The following HOMER1 variants were observed in gnomAD, a reference collection of about 807,000 sequenced individuals.
The protein encoded by HOMER1 is homer scaffold protein 1, also known as homer protein homolog 1.
HOMER1 carries 3 observed loss-of-function variants against 48.9 expected under a neutral mutation model. The observed-to-expected ratio is 0.06, with a 90% CI of 0.03 to 0.16. HOMER1 has a LOEUF of 0.16. Ranked by LOEUF, HOMER1 falls within the 10% of genes least tolerant of loss-of-function variation. The pLI is 1.00. For synonymous variants in HOMER1, 134 were observed against 146.4 expected (o/e 0.92, Z 0.61); for missense variants, 247 against 411.4 (o/e 0.60, Z 3.46).
Position 79,373,213 on chromosome 5 carries a change from A to G in HOMER1, c.*2796T>C, listed in dbSNP as rs1462325927. 2.0e-5 allele frequency: 3 copies of G among 152,140 alleles called. No individual in the cohort carries two copies. Among genetic ancestry groups the G allele is most frequent in the Non-Finnish European group, 4.4e-5 (3 of 67,968 alleles). 9.4% of individuals were successfully genotyped at this position (152,140 alleles called of 1,614,324 possible). A position where few individuals can be genotyped will look rare whatever the true frequency, so the allele number is the denominator to read the frequency against. On this transcript the variant is annotated 3_prime_UTR_variant, in exon 9 of 9. Transcript: ENST00000334082. Reference sequence around the variant, plus strand: ...GCTGTCATCATTTAAATGCTTTTAAATATCTGTAAAAGACTGGAGGAAAAA... The same window carrying G: ...GCTGTCATCATTTAAATGCTTTTAAGTATCTGTAAAAGACTGGAGGAAAAA...
intron 1 of HOMER1, among the ~76,000 whole-genome samples, chr5:79,502,208 T>C (rs1235301075): frequency 1.3e-5 from 2 of 151,882 alleles, no homozygotes; most frequent in Admixed American, 1.3e-4. Flanking sequence ...TTAGTAGAGA[T>C]GGAGTTTCAC....
intron 5 of HOMER1, among the ~76,000 whole-genome samples, chr5:79,419,345 A>G (rs1384436912): frequency 6.6e-6 from 1 of 152,196 alleles, no homozygotes; most frequent in Non-Finnish European, 1.5e-5. Flanking sequence ...CTAGACTCTA[A>G]GTACTAAAAT....
intron 6 of HOMER1, among the ~76,000 whole-genome samples, chr5:79,400,986 G>A (rs1201957774): frequency 6.8e-6 from 1 of 146,968 alleles, no homozygotes; most frequent in Non-Finnish European, 1.5e-5. Context: ...TGTTGCCTGG[G>A]CTAATCTCAA....
At chr5:79,384,865 C>T (rs1416151604) in intron 8 of HOMER1, among the ~76,000 whole-genome samples, 2 of 151,986 alleles carry the variant, frequency 1.3e-5, no homozygotes, top group Non-Finnish European at 2.9e-5. Context: ...ATAAATGATA[C>T]ATCCCATCAA....
intron 8 of HOMER1, among the ~76,000 whole-genome samples, chr5:79,384,844 CAG>C (rs1046970362): frequency 1.3e-5 from 2 of 151,840 alleles, no homozygotes; most frequent in African/African-American, 4.8e-5. Context: ...TGGTTTAACA[CAG>C]AGAAATTAAT....
intron 4 of HOMER1, among the ~76,000 whole-genome samples, chr5:79,446,607 C>T (rs1334379935): frequency 6.6e-6 from 1 of 151,914 alleles, no homozygotes; most frequent in Non-Finnish European, 1.5e-5. Flanking sequence ...AACCTTTTTC[C>T]ACCAGTACAA....
At chr5:79,491,723 A>C (rs1752284195) in intron 1 of HOMER1, among the ~76,000 whole-genome samples, 1 of 152,244 alleles carries the variant, frequency 6.6e-6, no homozygotes, top group Non-Finnish European at 1.5e-5. Flanking sequence ...GAAATAAAGT[A>C]AAATGTAGCA....
At chr5:79,401,749 A>C (rs1749541717) in intron 6 of HOMER1, 150 bp downstream of exon 6, 1 of 731,004 alleles carries the variant, frequency 1.4e-6, no homozygotes, top group Non-Finnish European at 2.2e-6. Flanking sequence ...TATTTTTCTT[A>C]ATCAAACAAA....
At chr5:79,445,347 A>G (rs1750846488) in intron 4 of HOMER1, among the ~76,000 whole-genome samples, 1 of 152,206 alleles carries the variant, frequency 6.6e-6, no homozygotes, top group African/African-American at 2.4e-5. Context: ...ATACAATTAA[A>G]ATAAAAATTA....
intron 1 of HOMER1, among the ~76,000 whole-genome samples, chr5:79,482,133 C>G (rs1188314089): frequency 6.6e-6 from 1 of 151,840 alleles, no homozygotes; most frequent in Non-Finnish European, 1.5e-5. Flanking sequence ...GGTGGGAGGA[C>G]CACTTGAGTC....
intron 8 of HOMER1, among the ~76,000 whole-genome samples, chr5:79,381,949 A>G (rs1019660233): frequency 2.6e-5 from 4 of 152,272 alleles, no homozygotes; most frequent in East Asian, 3.9e-4. Flanking sequence ...AATTTACCAA[A>G]GAGATATACA....
intron 5 of HOMER1, among the ~76,000 whole-genome samples, chr5:79,414,738 T>C (rs554306926): frequency 2.0e-5 from 3 of 152,248 alleles, no homozygotes; most frequent in East Asian, 3.9e-4. Context: ...CCTCTGGTCC[T>C]TGTTTTTTTC....
At chr5:79,484,896 T>C (rs944122243) in intron 1 of HOMER1, among the ~76,000 whole-genome samples, 1 of 152,168 alleles carries the variant, frequency 6.6e-6, no homozygotes, top group Non-Finnish European at 1.5e-5. Context: ...ATTACTACAA[T>C]TCCCAGGCTA....
chr5:79,456,563 C>G (rs941055943), intron 2 of HOMER1, among the ~76,000 whole-genome samples: 1 of 152,174 alleles, frequency 6.6e-6, no homozygotes, highest in African/African-American at 2.4e-5. Flanking sequence ...CTGTCCACCA[C>G]TATATTCCTA....
intron 1 of HOMER1, among the ~76,000 whole-genome samples, chr5:79,467,559 ATAAG>A (rs1751506151): frequency 6.6e-6 from 1 of 152,192 alleles, no homozygotes; most frequent in African/African-American, 2.4e-5. Context: ...AAATATTCTA[ATAAG>A]TAAACTCAGG....
At chr5:79,510,980 T>A (rs946356268) in intron 1 of HOMER1, 5 of 461,738 alleles carry the variant, frequency 1.1e-5, no homozygotes, top group African/African-American at 9.8e-5. Context: ...GGGGCTGGGG[T>A]CCTCCTGTGC....
At chr5:79,413,048 G>C (rs1343991676) in intron 5 of HOMER1, among the ~76,000 whole-genome samples, 1 of 152,182 alleles carries the variant, frequency 6.6e-6, no homozygotes, top group Non-Finnish European at 1.5e-5. Context: ...AGTGAGAAAG[G>C]AAAGGGTCAG....
At chr5:79,499,046 G>A (rs1312020451) in intron 1 of HOMER1, among the ~76,000 whole-genome samples, 3 of 152,024 alleles carry the variant, frequency 2.0e-5, no homozygotes, top group Non-Finnish European at 2.9e-5. Flanking sequence ...ATGTTGGCCA[G>A]GATGGTCTTG....
intron 5 of HOMER1, among the ~76,000 whole-genome samples, chr5:79,416,149 C>T (rs947610982): frequency 9.9e-5 from 15 of 152,102 alleles, no homozygotes; most frequent in African/African-American, 3.6e-4. Flanking sequence ...CTTTTGATTA[C>T]TGATGTAAAG....
Sources: allele counts gnomAD v4.1 joint callset (sites outside exome capture counted in the v4.1 genomes callset), GRCh38; gene constraint gnomAD v4.1.1; transcripts MANE v1.5; gene names NCBI Gene and HGNC (gene_info 2026-07-23, HGNC 2026-07-21).